The following MATR3 variants were observed in gnomAD, a reference collection of about 807,000 sequenced individuals.
MATR3 encodes matrin-3.
MATR3 carries 4 observed loss-of-function variants against 85.5 expected under a neutral mutation model. That is an observed-to-expected ratio of 0.05 (90% CI 0.02 to 0.11). MATR3 has a LOEUF of 0.11. Among genes scored for constraint, MATR3 ranks in the 10% least tolerant of loss-of-function variants. The pLI, the probability that MATR3 is intolerant of heterozygous loss-of-function variation, is 1.00. For missense variants in MATR3, 685 were observed against 1,016.1 expected (o/e 0.67, Z 4.43); for synonymous variants, 336 against 343.1 (o/e 0.98, Z 0.23).
At chr5:139,315,640 G>A (rs77369659) in intron 3 of MATR3, 57 bp from the exon 4 acceptor site, 3 of 1,139,394 alleles carry the variant, frequency 2.6e-6, no homozygotes, top group Non-Finnish European at 4.0e-6. Context: ...GCCAAACAAG[G>A]CTGTTTTGTG....
In MATR3 at chr5:139,317,026, G is replaced by A. The variant is rs569497191; in HGVS notation, c.1130-27G>A. On this transcript the variant is annotated intron_variant, in intron 5 of 14. Coordinates refer to ENST00000394805, the MANE Select transcript of MATR3 (RefSeq NM_018834.6). ...CTTTAAGCAAGTATAGTGATTACAA[G>A]ACTGAAAACTTTCTCTTCCCATAAA... 1.1e-4 allele frequency: 175 copies of A among 1,604,530 alleles called. No homozygotes were observed. The South Asian group carries it at 1.8e-3, about 17-fold the overall frequency.
upstream of MATR3, among the ~76,000 whole-genome samples, chr5:139,290,292 C>T (rs188520983): frequency 2.6e-5 from 4 of 151,556 alleles, no homozygotes; most frequent in South Asian, 4.2e-4. Flanking sequence ...TACAGGCGAG[C>T]GCCACCACAC....
intron 1 of MATR3, among the ~76,000 whole-genome samples, chr5:139,275,798 C>T (rs1301623566): frequency 6.6e-6 from 1 of 152,090 alleles, no homozygotes; most frequent in Non-Finnish European, 1.5e-5. Context: ...AGAGAAAGAC[C>T]CTGTAATATA....
At chr5:139,311,884 C>T (rs1407382948) in intron 2 of MATR3, 1 of 148,834 alleles carries the variant, frequency 6.7e-6, no homozygotes, top group Non-Finnish European at 1.5e-5. Context: ...TCTCCTGCCT[C>T]AGCATCCCAG....
At chr5:139,292,190 G>C (rs867545345), upstream of MATR3, 7 of 151,976 alleles carry the variant, frequency 4.6e-5, no homozygotes, top group Non-Finnish European at 5.9e-5. Context: ...TGGAACTCTT[G>C]AACTCAAGTG....
chr5:139,305,184 T>C (rs189635294), intron 1 of MATR3, among the ~76,000 whole-genome samples: 1 of 152,326 alleles, frequency 6.6e-6, no homozygotes, highest in East Asian at 1.9e-4. Flanking sequence ...TCTTGACTCT[T>C]TTCTGAGTTT....
chr5:139,275,240 G>A (rs1208325712), intron 1 of MATR3, among the ~76,000 whole-genome samples: 5 of 135,838 alleles, frequency 3.7e-5, no homozygotes, highest in African/African-American at 5.5e-5. Context: ...CTCGTGATCC[G>A]CCAGCCTCAG....
intron 2 of MATR3, among the ~76,000 whole-genome samples, chr5:139,277,524 TG>T (rs1467758496): frequency 3.3e-5 from 5 of 152,116 alleles, no homozygotes; most frequent in Non-Finnish European, 7.4e-5. Context: ...CTTTTACATA[TG>T]GGGTCTTAAG....
At position 139,322,977 on chromosome 5, in the gene MATR3, G is replaced by C; in HGVS notation, c.2148+10G>C. On this transcript the variant is annotated intron_variant, in intron 12 of 14. Coordinates refer to ENST00000394805, the MANE Select transcript of MATR3 (RefSeq NM_018834.6). ...GAAAAAGCTTAAAAAGGTAAAGAAA[G>C]ATACATTGATTTGTTTTAATAGAAC... is the stretch of plus-strand genomic sequence containing the variant. The C allele has an allele frequency of 6.5e-7, 1 of 1,542,350 alleles. No homozygotes were observed. Among genetic ancestry groups the C allele is most frequent in the Non-Finnish European group, 8.9e-7 (1 of 1,124,762 alleles).
intron 2 of MATR3, chr5:139,311,295 T>TTTCCTACAGAAATGTCTGAATTTAAAA (rs1754959869): frequency 6.6e-6 from 1 of 152,210 alleles, no homozygotes; most frequent in East Asian, 1.9e-4. Flanking sequence ...TGAATGTAGT[T>TTTCCTACAGAAATGTCTGAATTTAAAA]TTCCTACAGA....
chr5:139,291,807 GGGATTACA>G (rs1753879043), upstream of MATR3, among the ~76,000 whole-genome samples: 1 of 152,130 alleles, frequency 6.6e-6, no homozygotes, highest in Admixed American at 6.5e-5. Context: ...CCAAAGTGCT[GGGATTACA>G]GGCATGAGTC....
intron 3 of MATR3, among the ~76,000 whole-genome samples, chr5:139,281,690 A>G (rs1561919478): frequency 1.3e-5 from 2 of 152,046 alleles, no homozygotes; most frequent in South Asian, 2.1e-4. Flanking sequence ...CCATGCTGCA[A>G]TGAAAACTTG....
At position 139,317,049 on chromosome 5, in the gene MATR3, A is replaced by G. The variant is rs371701183; in HGVS notation, c.1130-4A>G. 75 of 1,594,676 alleles carry G rather than the reference A, an allele frequency of 4.7e-5. No individual in the cohort carries two copies. The African/African-American group carries it at 8.8e-4, about 19-fold the overall frequency. On this transcript the variant is annotated splice_region_variant and splice_polypyrimidine_tract_variant and intron_variant, in intron 5 of 14. Coordinates refer to ENST00000394805, the MANE Select transcript of MATR3 (RefSeq NM_018834.6). ...AAGACTGAAAACTTTCTCTTCCCAT[A>G]AAGGTGCTGGAAATGGAAACCTGCA...
chr5:139,299,183 A>G (rs1754315951), intron 1 of MATR3, among the ~76,000 whole-genome samples: 1 of 152,162 alleles, frequency 6.6e-6, no homozygotes. Context: ...TTAAAAGGGG[A>G]TGCTGGGCCT....
intron 12 of MATR3, among the ~76,000 whole-genome samples, 165 bp downstream of exon 12, chr5:139,323,132 A>G (rs1263911495): frequency 6.6e-6 from 1 of 152,250 alleles, no homozygotes; most frequent in Non-Finnish European, 1.5e-5. Flanking sequence ...GCAATAAATA[A>G]TTAAATAAGA....
intron 9 of MATR3, among the ~76,000 whole-genome samples, chr5:139,319,926 A>G (rs1253069024): frequency 2.0e-5 from 2 of 98,150 alleles, no homozygotes; most frequent in African/African-American, 7.7e-5. Context: ...AATCTGGAGG[A>G]CTAGTTGTTT....
chr5:139,319,553 A>G, intron 9 of MATR3, 52 bp downstream of exon 9: 1 of 1,512,310 alleles, frequency 6.6e-7, no homozygotes, highest in Admixed American at 1.7e-5. Flanking sequence ...AATCCTTAAG[A>G]TTTTTCAATA....
chr5:139,295,290 C>CT (rs1561925927), intron 1 of MATR3, among the ~76,000 whole-genome samples: 2 of 152,096 alleles, frequency 1.3e-5, no homozygotes, highest in Admixed American at 6.6e-5. Context: ...TGGATGATGC[C>CT]TTTTCCACTT....
intron 9 of MATR3, among the ~76,000 whole-genome samples, chr5:139,319,726 C>T (rs1304058676): frequency 1.3e-5 from 2 of 151,628 alleles, no homozygotes; most frequent in South Asian, 4.2e-4. Flanking sequence ...GCCTGTAATC[C>T]CAGCTACTTG....
Sources: gnomAD v4.1 joint callset for allele counts (sites outside exome capture counted in the v4.1 genomes callset) on GRCh38, gnomAD v4.1.1 for gene constraint, MANE v1.5 for transcripts, NCBI Gene and HGNC (gene_info 2026-07-23, HGNC 2026-07-21) for gene names.